Variants in MTRR observed in about 807,000 individuals in gnomAD.
MTRR encodes methionine synthase reductase.
In MTRR, 63 loss-of-function variants were observed where a neutral mutation model predicts 79.2. The ratio of observed to expected loss-of-function variants is 0.80; its 90% CI spans 0.65 to 0.98. The LOEUF is 0.98. MTRR is among the 50% of genes least tolerant of loss of function. MTRR has a pLI of 0.00. For missense variants in MTRR, 895 were observed against 839.6 expected (o/e 1.07, Z -0.82); for synonymous variants, 355 against 313.3 (o/e 1.13, Z -1.41).
At chr5:7,874,632 A>C (rs1246696008) in intron 3 of MTRR, among the ~76,000 whole-genome samples, 1 of 139,784 alleles carries the variant, frequency 7.2e-6, no homozygotes, top group African/African-American at 2.7e-5. Context: ...CATAGAAGCA[A>C]TTCTTGATTT....
chr5:7,894,159 A>C (rs945244262), intron 11 of MTRR, among the ~76,000 whole-genome samples: 1 of 152,196 alleles, frequency 6.6e-6, no homozygotes, highest in Admixed American at 6.5e-5. Flanking sequence ...TTAACTATCC[A>C]ATCTATATGC....
upstream of MTRR, among the ~76,000 whole-genome samples, chr5:7,865,403 G>A: frequency 6.6e-6 from 1 of 152,122 alleles, no homozygotes; most frequent in East Asian, 1.9e-4. Flanking sequence ...TCTACATAAG[G>A]AATGTGATAG....
chr5:7,869,273 C>G (rs1747423357), intron 1 of MTRR, 58 bp downstream of exon 1: 4 of 1,573,216 alleles, frequency 2.5e-6, no homozygotes, highest in Non-Finnish European at 3.4e-6. Context: ...GCACTAATCT[C>G]CTGGGAGAGG....
At chr5:7,854,192 G>A (rs115528290) in intron 1 of MTRR, among the ~76,000 whole-genome samples, 165 of 152,126 alleles carry the variant, frequency 1.1e-3, no homozygotes, top group Non-Finnish European at 1.8e-3. Flanking sequence ...GTTCTGTGCC[G>A]GAGAAGGGGA....
chr5:7,866,606 G>T (rs577392935), upstream of MTRR: 1 of 1,446,428 alleles, frequency 6.9e-7, no homozygotes. Context: ...CAGTTCAAAG[G>T]TTACTTTTTT....
chr5:7,887,801 T>TATATAA (rs1736833849), intron 8 of MTRR, among the ~76,000 whole-genome samples: 1 of 26,382 alleles, frequency 3.8e-5, no homozygotes, highest in Non-Finnish European at 7.1e-5. Flanking sequence ...TGCATATATA[T>TATATAA]ATATATATAT....
chr5:7,874,730 C>G (rs946824236), intron 3 of MTRR, among the ~76,000 whole-genome samples: 9 of 151,110 alleles, frequency 6.0e-5, no homozygotes, highest in African/African-American at 1.9e-4. Context: ...TCAGTAAACT[C>G]TATGAAGGTC....
intron 3 of MTRR, among the ~76,000 whole-genome samples, chr5:7,874,175 G>C (rs916818927): frequency 1.3e-5 from 2 of 152,178 alleles, no homozygotes; most frequent in Admixed American, 6.5e-5. Flanking sequence ...AAAAGAACCA[G>C]ATCAGCACAA....
intron 10 of MTRR, among the ~76,000 whole-genome samples, chr5:7,892,455 C>G (rs147338487): frequency 3.3e-5 from 5 of 152,206 alleles, no homozygotes; most frequent in Non-Finnish European, 5.9e-5. Flanking sequence ...ACATGAAGAT[C>G]CTTAGGGCAT....
At chr5:7,850,928 G>T (rs763517745), upstream of MTRR, 1 of 1,359,040 alleles carries the variant, frequency 7.4e-7, no homozygotes, top group Non-Finnish European at 9.5e-7. Context: ...CGCCGCGGCG[G>T]GATGTAGCTG....
At chr5:7,899,810 A>G (rs1739183582) in intron 14 of MTRR, 104 bp from the exon 15 acceptor site, 1 of 1,421,432 alleles carries the variant, frequency 7.0e-7, no homozygotes, top group Non-Finnish European at 9.9e-7. Flanking sequence ...AGACGGAGGG[A>G]AGAACTATGG....
At chr5:7,870,187 T>C in intron 1 of MTRR, 1 of 500,576 alleles carries the variant, frequency 2.0e-6, no homozygotes, top group Non-Finnish European at 2.6e-6. Context: ...TCACATATTT[T>C]TGATTTGCAT....
upstream of MTRR, among the ~76,000 whole-genome samples, chr5:7,868,691 A>C (rs1410408543): frequency 1.3e-5 from 2 of 152,228 alleles, no homozygotes; most frequent in Non-Finnish European, 2.9e-5. Context: ...GTAGGAAAAG[A>C]AAAAGCAAAA....
intron 3 of MTRR, 37 bp from the exon 4 acceptor site, chr5:7,875,220 AC>A: frequency 2.2e-6 from 3 of 1,353,322 alleles, no homozygotes; most frequent in Non-Finnish European, 3.2e-6. Flanking sequence ...TTAAATTTAA[AC>A]TTTATTGTGC....
intron 1 of MTRR, chr5:7,869,864 C>T (rs1026552411): frequency 5.9e-6 from 1 of 170,668 alleles, no homozygotes; most frequent in Non-Finnish European, 1.2e-5. Context: ...TGTGAGCTGT[C>T]AATGTGTAGT....
chr5:7,892,021 G>T (rs918325999), intron 10 of MTRR, among the ~76,000 whole-genome samples: 1 of 152,088 alleles, frequency 6.6e-6, no homozygotes, highest in Non-Finnish European at 1.5e-5. Context: ...CAGCCTGGGC[G>T]ACAGTGATAC....
At chr5:7,870,999 A>G (rs952726736) in intron 2 of MTRR, 76 bp downstream of exon 2, 1 of 1,522,986 alleles carries the variant, frequency 6.6e-7, no homozygotes, top group African/African-American at 1.4e-5. Context: ...TTATGAAACA[A>G]AAGGACACTA....
intron 12 of MTRR, 26 bp from the exon 13 acceptor site, chr5:7,896,837 AC>A (rs779348206): frequency 1.5e-5 from 23 of 1,584,226 alleles, no homozygotes; most frequent in Non-Finnish European, 1.9e-5. Context: ...TATATCACAC[AC>A]CTAAACTTTT....
chr5:7,876,821 C>T (rs1016618840), intron 4 of MTRR, among the ~76,000 whole-genome samples: 51 of 152,208 alleles, frequency 3.4e-4, no homozygotes, highest in African/African-American at 1.2e-3. Context: ...ACATGTCGTC[C>T]TCTTAGAAGA....
Sources: allele counts gnomAD v4.1 joint callset (sites outside exome capture counted in the v4.1 genomes callset), GRCh38; gene constraint gnomAD v4.1.1; transcripts MANE v1.5; gene names NCBI Gene and HGNC (gene_info 2026-07-23, HGNC 2026-07-21).